The following NBAS variants were observed in gnomAD, a reference collection of about 807,000 sequenced individuals.
NBAS encodes the protein NAG/BC035112 fusion.
NBAS carries 219 observed loss-of-function variants against 302.5 expected under a neutral mutation model. That is an observed-to-expected ratio of 0.72 (90% CI 0.65 to 0.81). NBAS has a LOEUF of 0.81. Ranked by LOEUF, NBAS falls within the 30% of genes least tolerant of loss-of-function variation. NBAS has a pLI of 0.00. For missense variants in NBAS, 2,932 were observed against 2,841.6 expected, an observed-to-expected ratio of 1.03 and a Z score of -0.72; for synonymous variants, 1,118 against 1,021.6, an observed-to-expected ratio of 1.09 and a Z score of -1.80.
intron 51 of NBAS, chr2:15,178,234 C>A: frequency 2.2e-6 from 1 of 457,164 alleles, no homozygotes; most frequent in Non-Finnish European, 4.5e-6. Flanking sequence ...TGTAAAATTA[C>A]ATATGTGTGC....
At chr2:14,983,985 G>A in the NBAS span, among the ~76,000 whole-genome samples, 14 of 152,238 alleles carry the variant, frequency 9.2e-5, no homozygotes, top group South Asian at 1.0e-3. Flanking sequence ...TGGGGCTTCC[G>A]AGGGGGCGTG....
At chr2:14,805,777 G>A in the NBAS span, among the ~76,000 whole-genome samples, 1 of 152,026 alleles carries the variant, frequency 6.6e-6, no homozygotes, top group Admixed American at 6.6e-5. Context: ...TTTTTCTCCT[G>A]CCTGGACTTT....
At chr2:15,356,086 C>T (rs1572709900) in intron 33 of NBAS, among the ~76,000 whole-genome samples, 1 of 152,010 alleles carries the variant, frequency 6.6e-6, no homozygotes, top group East Asian at 1.9e-4. Context: ...AGAAAGCAAC[C>T]AAAATCTCAA....
intron 48 of NBAS, among the ~76,000 whole-genome samples, chr2:15,209,424 C>T (rs1666304053): frequency 6.6e-6 from 1 of 152,006 alleles, no homozygotes; most frequent in South Asian, 2.1e-4. Context: ...GGAGGAAATG[C>T]TTCCAAACTA....
the NBAS span, among the ~76,000 whole-genome samples, chr2:15,053,711 A>G: frequency 2.0e-5 from 3 of 151,878 alleles, no homozygotes; most frequent in Non-Finnish European, 2.9e-5. Flanking sequence ...GTCCATGTGG[A>G]AAAAAAACTG....
At chr2:15,311,775 G>C (rs898100730) in intron 38 of NBAS, among the ~76,000 whole-genome samples, 1 of 152,056 alleles carries the variant, frequency 6.6e-6, no homozygotes, top group Non-Finnish European at 1.5e-5. Context: ...ACTTACAAGA[G>C]AGGATTCAGA....
At chr2:15,342,688 T>C (rs879154936) in intron 35 of NBAS, among the ~76,000 whole-genome samples, 1 of 152,074 alleles carries the variant, frequency 6.6e-6, no homozygotes, top group Middle Eastern at 3.2e-3. Context: ...TATTAATGTA[T>C]TGTTTATTAA....
At chr2:14,868,314 TTTC>T in the NBAS span, among the ~76,000 whole-genome samples, 1 of 152,202 alleles carries the variant, frequency 6.6e-6, no homozygotes, top group Non-Finnish European at 1.5e-5. Flanking sequence ...TGATCAGGTA[TTTC>T]TTATTATGTT....
Position 15,511,297 on chromosome 2 carries a change from G to C in NBAS, c.800C>G (p.Ser267Cys). The C allele has an allele frequency of 6.2e-7, 1 of 1,614,078 alleles. No homozygotes were observed. Among genetic ancestry groups the C allele is most frequent in the Non-Finnish European group, 8.5e-7 (1 of 1,179,976 alleles). ...ETAEVGMSKA[S>C]SCGLSAWRVL... ...TCTCCAGGCAGAAAGGCCACAGCTA[G>C]AAGCTTTTGACATGCCTACTTCAGC... Residue 267 changes from serine (S) to cysteine (C), a missense_variant, in exon 10 of 52, where the codon TCT becomes TGT. Ser to Cys is a moderately radical substitution (Grantham distance 112). Transcript: ENST00000281513.
chr2:15,496,746 T>C (rs1681088607), intron 11 of NBAS, among the ~76,000 whole-genome samples: 2 of 152,180 alleles, frequency 1.3e-5, no homozygotes, highest in Admixed American at 6.5e-5. Context: ...TATCATCTAA[T>C]ACACCTATTC....
intron 47 of NBAS, among the ~76,000 whole-genome samples, chr2:15,227,865 A>G (rs1232617440): frequency 6.6e-6 from 1 of 152,202 alleles, no homozygotes; most frequent in Non-Finnish European, 1.5e-5. Context: ...TTAAATGTAA[A>G]ACCCAAAAAT....
At chr2:15,112,825 T>A in the NBAS span, among the ~76,000 whole-genome samples, 1 of 152,072 alleles carries the variant, frequency 6.6e-6, no homozygotes, top group Admixed American at 6.6e-5. Context: ...AGAATATCAT[T>A]CTCTTGAGCT....
At chr2:15,514,800 T>C (rs1057344864) in intron 9 of NBAS, among the ~76,000 whole-genome samples, 1 of 152,168 alleles carries the variant, frequency 6.6e-6, no homozygotes, top group Non-Finnish European at 1.5e-5. Context: ...ATTTTTTATG[T>C]CCTGGGTATT....
chr2:15,098,674 T>A, the NBAS span, among the ~76,000 whole-genome samples: 1 of 136,654 alleles, frequency 7.3e-6, no homozygotes, highest in Non-Finnish European at 1.5e-5. Context: ...ATACATTATA[T>A]TATATATTAT....
rs144830164 is a variant in NBAS, at chr2:15,424,379, G to A, written c.2513C>T (p.Thr838Met). Reference protein sequence around the residue: ...ELLRFRMTQLTVEKVMDWYQT... With the variant: ...ELLRFRMTQLMVEKVMDWYQT... ...ATACCAGTCCATAACCTTCTCCACC[G>A]TAAGCTGGGTCATCCTGAACCTTAG... is the stretch of plus-strand genomic sequence containing the variant. Residue 838 changes from threonine (T) to methionine (M), a missense_variant, in exon 23 of 52, where the codon ACG becomes ATG. Coordinates refer to ENST00000281513, the MANE Select transcript of NBAS (RefSeq NM_015909.4). The A allele has an allele frequency of 1.7e-5, 27 of 1,614,002 alleles. No individual in the cohort carries two copies. The highest frequency in any genetic ancestry group is 1.2e-4 in the African/African-American group (9 of 74,980).
chr2:15,533,606 C>T (rs1052164750), intron 9 of NBAS, among the ~76,000 whole-genome samples: 6 of 151,768 alleles, frequency 4.0e-5, no homozygotes, highest in African/African-American at 1.5e-4. Flanking sequence ...ACACAAAACT[C>T]AGGACAGTAA....
the NBAS span, among the ~76,000 whole-genome samples, chr2:14,953,163 G>A: frequency 6.6e-6 from 1 of 152,206 alleles, no homozygotes; most frequent in Non-Finnish European, 1.5e-5. Flanking sequence ...GAGCTGGAGG[G>A]CTGGACGGGC....
At chr2:15,294,921 C>T (rs777455105) in intron 40 of NBAS, among the ~76,000 whole-genome samples, 3 of 152,134 alleles carry the variant, frequency 2.0e-5, no homozygotes. Flanking sequence ...GCTGAATATA[C>T]CTTGAAGGAA....
the NBAS span, among the ~76,000 whole-genome samples, chr2:15,135,706 A>T: frequency 6.6e-6 from 1 of 151,970 alleles, no homozygotes; most frequent in African/African-American, 2.4e-5. Context: ...GACTCTTTCA[A>T]AGAGAGTGTA....
Sources: gnomAD v4.1 joint callset for allele counts (sites outside exome capture counted in the v4.1 genomes callset) on GRCh38, gnomAD v4.1.1 for gene constraint, MANE v1.5 for transcripts, NCBI Gene and HGNC (gene_info 2026-07-23, HGNC 2026-07-21) for gene names.